Variants in TRAK1 observed in about 807,000 individuals in gnomAD.
TRAK1 encodes trafficking kinesin protein 1.
TRAK1 carries 33 observed loss-of-function variants against 92.1 expected under a neutral mutation model. The ratio of observed to expected loss-of-function variants is 0.36; its 90% confidence interval spans 0.27 to 0.48. The LOEUF (loss-of-function observed/expected upper bound fraction) is 0.48. TRAK1 is among the 20% of genes least tolerant of loss of function. TRAK1 has a pLI of 0.99. For missense variants in TRAK1, 1,123 were observed against 1,257.9 expected (o/e 0.89, Z 1.62); for synonymous variants, 521 against 517.3 (o/e 1.01, Z -0.10).
chr3:42,028,009 C>T (rs536308109), intron 1 of TRAK1, among the ~76,000 whole-genome samples: 28 of 152,220 alleles, frequency 1.8e-4, no homozygotes, highest in African/African-American at 6.5e-4. Context: ...GCTATCATGC[C>T]CAGCTGATTT....
At chr3:42,160,476 A>G (rs763082922) in intron 2 of TRAK1, 1 of 1,614,086 alleles carries the variant, frequency 6.2e-7, no homozygotes, top group Non-Finnish European at 8.5e-7. Context: ...GGAAGAGGGT[A>G]AATTCTGTAC....
chr3:42,188,427 C>G (rs1031573430), intron 5 of TRAK1, among the ~76,000 whole-genome samples: 4 of 152,214 alleles, frequency 2.6e-5, no homozygotes, highest in African/African-American at 9.6e-5. Context: ...ATGGGTTAGG[C>G]TCTGCTGTTG....
intron 2 of TRAK1, among the ~76,000 whole-genome samples, chr3:42,160,696 T>C (rs1223187920): frequency 6.6e-6 from 1 of 151,976 alleles, no homozygotes; most frequent in East Asian, 1.9e-4. Context: ...CCTTGGTCCC[T>C]TTCTAGTTTA....
intron 2 of TRAK1, among the ~76,000 whole-genome samples, chr3:42,138,874 GGGGT>G (rs1553730318): frequency 0.099 from 5,052 of 50,884 alleles, 274 homozygotes; most frequent in East Asian, 0.22. Flanking sequence ...GAAAGCATAG[GGGGT>G]GTGTGTGTGT....
intron 1 of TRAK1, among the ~76,000 whole-genome samples, chr3:42,035,849 T>A (rs1256963500): frequency 1.3e-5 from 2 of 152,246 alleles, no homozygotes; most frequent in South Asian, 4.1e-4. Flanking sequence ...CCAGGACTTT[T>A]GCTTCTGCAG....
chr3:42,084,058 G>A (rs1559745481), upstream of TRAK1, among the ~76,000 whole-genome samples: 1 of 151,502 alleles, frequency 6.6e-6, no homozygotes, highest in Non-Finnish European at 1.5e-5. Context: ...CATTGATTTT[G>A]TCTGGGTCTT....
At chr3:42,134,412 G>A (rs1697661818) in intron 2 of TRAK1, among the ~76,000 whole-genome samples, 1 of 151,218 alleles carries the variant, frequency 6.6e-6, no homozygotes, top group African/African-American at 2.4e-5. Context: ...CGAGTAGCTG[G>A]GACTGCAGGT....
At chr3:42,026,473 T>C (rs1177725802) in intron 1 of TRAK1, among the ~76,000 whole-genome samples, 1 of 151,864 alleles carries the variant, frequency 6.6e-6, no homozygotes, top group Middle Eastern at 3.2e-3. Context: ...GCTAATCACC[T>C]CTTCTGCAGC....
At chr3:42,134,939 A>T (rs1697752107) in intron 2 of TRAK1, among the ~76,000 whole-genome samples, 1 of 151,140 alleles carries the variant, frequency 6.6e-6, no homozygotes, top group African/African-American at 2.4e-5. Context: ...AGTGGCATTA[A>T]TTATAGCTTA....
At chr3:42,060,990 T>C (rs1377732793) in intron 1 of TRAK1, among the ~76,000 whole-genome samples, 1 of 150,996 alleles carries the variant, frequency 6.6e-6, no homozygotes, top group African/African-American at 2.5e-5. Context: ...CAGGTTCATT[T>C]AGGGCTAAAT....
At chr3:42,071,282 C>T (rs1031286771) in intron 1 of TRAK1, among the ~76,000 whole-genome samples, 2 of 152,208 alleles carry the variant, frequency 1.3e-5, no homozygotes, top group South Asian at 2.1e-4. Context: ...CTTTCTCACT[C>T]TAGTTATTTT....
chr3:42,223,748 G>A lies in TRAK1; in HGVS notation c.*11G>A. 6.3e-7 allele frequency: 1 copy of A among 1,591,414 alleles called. No individual in the cohort carries two copies. The highest frequency in any genetic ancestry group is 8.6e-7 in the Non-Finnish European group (1 of 1,164,608). ...ACTAGCTTACGGTGAGGACTGGAGG[G>A]GGGCCGGTTGCCCTAGAGGAGACCC... is the stretch of plus-strand genomic sequence containing the variant. On this transcript the variant is annotated 3_prime_UTR_variant, in exon 16 of 16. Coordinates refer to ENST00000327628, the MANE Select transcript of TRAK1 (RefSeq NM_001042646.3). This position sits in a 1 kb window ranked among gnomAD's most constrained non-coding sequence, Gnocchi z 6.1.
upstream of TRAK1, among the ~76,000 whole-genome samples, chr3:42,090,888 G>A (rs1456443490): frequency 6.6e-6 from 1 of 152,196 alleles, no homozygotes; most frequent in Non-Finnish European, 1.5e-5. Flanking sequence ...GCGTTTAAGG[G>A]ATGGGCTGTC....
chr3:42,016,155 G>T (rs911645363), intron 1 of TRAK1, among the ~76,000 whole-genome samples: 1 of 151,866 alleles, frequency 6.6e-6, no homozygotes, highest in East Asian at 1.9e-4. Context: ...ACACCTTAAG[G>T]TTTGCCATCT....
In TRAK1 at chr3:42,123,780, C is replaced by T. The variant is rs183845990; in HGVS notation, c.92-1640C>T. On this transcript the variant is annotated intron_variant, in intron 1 of 15. Transcript: ENST00000327628. ...GAGACTGAAGAGTGAGTTTGGTCCT[C>T]CACTTGATCCAGGTTCTTATTTTTG... Among the ~76,000 whole-genome samples the T allele has an allele frequency of 3.5e-3, 534 of 152,090 alleles. 2 individuals are homozygous for T. Among genetic ancestry groups the T allele is most frequent in the African/African-American group, 0.012 (493 of 41,470 alleles).
Position 42,209,943 on chromosome 3 carries a change from C to A in TRAK1, c.1921C>A (p.Arg641Ser). The change falls in exon 14 of 16, where the codon CGC becomes AGC. Residue 641 changes from arginine (R) to serine (S), a missense_variant. Physicochemically the swap from Arg to Ser is moderately radical, Grantham distance 110. Coordinates refer to ENST00000327628, the MANE Select transcript of TRAK1 (RefSeq NM_001042646.3). ...DDTGDHISLP[R>S]LATSTPVQHP... ...CACAGGTGACCACATTTCTCTCCCA[C>A]GCCTAGCTACCTCCACTCCAGTTCA... The A allele has an allele frequency of 6.2e-7, 1 of 1,614,222 alleles. No homozygotes were observed. Among genetic ancestry groups the A allele is most frequent in the Non-Finnish European group, 8.5e-7 (1 of 1,180,044 alleles).
intron 1 of TRAK1, among the ~76,000 whole-genome samples, chr3:42,057,229 T>G (rs765741589): frequency 2.0e-5 from 3 of 152,224 alleles, no homozygotes; most frequent in Non-Finnish European, 2.9e-5. Context: ...AATATTCTTA[T>G]GTAAATATGG....
At chr3:42,185,470 G>A (rs1435656462) in intron 4 of TRAK1, among the ~76,000 whole-genome samples, 4 of 152,114 alleles carry the variant, frequency 2.6e-5, no homozygotes, top group Non-Finnish European at 5.9e-5. Flanking sequence ...GGTTTAGAAG[G>A]AATGATGCTG....
chr3:42,171,508 T>C (rs770879378), intron 2 of TRAK1, among the ~76,000 whole-genome samples: 1 of 152,174 alleles, frequency 6.6e-6, no homozygotes, highest in Non-Finnish European at 1.5e-5. Flanking sequence ...GTGATGGAAC[T>C]GTAGAGATTC....
Sources: allele counts gnomAD v4.1 joint callset (sites outside exome capture counted in the v4.1 genomes callset), GRCh38; gene constraint gnomAD v4.1.1; non-coding constraint Gnocchi (gnomAD v3.1); transcripts MANE v1.5; gene names NCBI Gene and HGNC (gene_info 2026-07-23, HGNC 2026-07-21).